The following TNPO1 variants were observed in gnomAD, a reference collection of about 807,000 sequenced individuals.
TNPO1 encodes transportin-1.
Under a neutral mutation model 119.5 loss-of-function variants are expected in TNPO1, and 8 were observed. That is an observed-to-expected ratio of 0.07 (90% CI 0.04 to 0.12). TNPO1 has a LOEUF of 0.12. Ranked by LOEUF, TNPO1 falls within the 10% of genes least tolerant of loss-of-function variation. The pLI is 1.00. For synonymous variants in TNPO1, 362 were observed against 363.0 expected (o/e 1.00, Z 0.03); for missense variants, 576 against 1,089.8 (o/e 0.53, Z 6.64).
At chr5:72,862,766 C>T (rs1746556600) in intron 5 of TNPO1, among the ~76,000 whole-genome samples, 1 of 152,166 alleles carries the variant, frequency 6.6e-6, no homozygotes, top group African/African-American at 2.4e-5. Flanking sequence ...CCACCTCAGC[C>T]TCCCGAGTAG....
rs780279720 is a variant in TNPO1 at position 72,908,980 on chromosome 5, A to G, written c.*307A>G. ...AAAAATCTATTCAGTCTACTCACAA[A>G]ACAGTACATTGTGGAATATTATGGG... On this transcript the variant is annotated 3_prime_UTR_variant, in exon 25 of 25. Coordinates refer to ENST00000337273, the MANE Select transcript of TNPO1 (RefSeq NM_002270.4). The G allele has an allele frequency of 6.9e-6, 3 of 437,808 alleles. No individual in the cohort carries two copies. The highest frequency in any genetic ancestry group is 7.1e-5 in the East Asian group (1 of 14,048). The allele number at this position is 437,808 out of a possible 1,614,324, so 27.1% of individuals were successfully genotyped here.
At chr5:72,866,337 T>C (rs1027069673) in intron 6 of TNPO1, among the ~76,000 whole-genome samples, 1 of 152,240 alleles carries the variant, frequency 6.6e-6, no homozygotes, top group Non-Finnish European at 1.5e-5. Flanking sequence ...AATGTTGTTA[T>C]TTCTGGCATA....
chr5:72,865,559 T>C (rs1231228778), intron 5 of TNPO1, 37 bp from the exon 6 acceptor site: 2 of 1,605,678 alleles, frequency 1.2e-6, no homozygotes, highest in South Asian at 2.2e-5. Context: ...GGCTTCATTT[T>C]TAACAAATTC....
chr5:72,896,349 A>G (rs1749426820), intron 18 of TNPO1, 109 bp from the exon 19 acceptor site: 1 of 586,212 alleles, frequency 1.7e-6, no homozygotes. Flanking sequence ...TTTAATGGTG[A>G]AACTTGTTAT....
At chr5:72,879,537 C>G (rs746819548) in intron 9 of TNPO1, among the ~76,000 whole-genome samples, 1 of 152,192 alleles carries the variant, frequency 6.6e-6, no homozygotes, top group East Asian at 1.9e-4. Context: ...GTCTTCCCTA[C>G]TACTGTGAGA....
At chr5:72,879,649 G>A (rs545116911) in intron 9 of TNPO1, among the ~76,000 whole-genome samples, 3 of 152,186 alleles carry the variant, frequency 2.0e-5, no homozygotes, top group African/African-American at 7.2e-5. Context: ...CATGGGCCAC[G>A]GTACCCAGTG....
intron 11 of TNPO1, 108 bp from the exon 12 acceptor site, chr5:72,886,962 A>AT: frequency 1.0e-6 from 1 of 1,001,612 alleles, no homozygotes; most frequent in African/African-American, 1.7e-5. Flanking sequence ...TTGAATTCTT[A>AT]TTTTAAAACT....
chr5:72,828,897 T>C (rs565513012), intron 1 of TNPO1, among the ~76,000 whole-genome samples: 5 of 152,332 alleles, frequency 3.3e-5, no homozygotes, highest in African/African-American at 4.8e-5. Flanking sequence ...TAATATGTCA[T>C]CCTGATAAAC....
intron 8 of TNPO1, among the ~76,000 whole-genome samples, chr5:72,875,947 G>A (rs1237320294): frequency 1.3e-5 from 2 of 152,124 alleles, no homozygotes; most frequent in Admixed American, 1.3e-4. Context: ...ATGTTATCTA[G>A]AGCCTCCTTT....
chr5:72,877,168 G>T, intron 8 of TNPO1, 60 bp from the exon 9 acceptor site: 1 of 869,316 alleles, frequency 1.2e-6, no homozygotes, highest in South Asian at 1.8e-5. Context: ...TAATAGGACT[G>T]AATTGATACT....
chr5:72,850,889 ATTTTT>A (rs1166241371), intron 2 of TNPO1, among the ~76,000 whole-genome samples: 1 of 152,098 alleles, frequency 6.6e-6, no homozygotes, highest in East Asian at 1.9e-4. Context: ...GAATGCTTTT[ATTTTT>A]GTCATTTTAT....
At position 72,904,814 on chromosome 5, in the gene TNPO1, A is replaced by G. The variant is rs188129329; in HGVS notation, c.2590-489A>G. Among the ~76,000 whole-genome samples, 578 of 152,280 alleles carry G rather than the reference A, an allele frequency of 3.8e-3. 4 individuals are homozygous for G. Among genetic ancestry groups the G allele is most frequent in the Admixed American group, 6.1e-3 (93 of 15,304 alleles). On this transcript the variant is annotated intron_variant, in intron 23 of 24. Transcript: ENST00000337273. ...CTCTGTCCCCGCCACACACACAAAA[A>G]GATATGCCCAAGACTGGGTAATTTA...
chr5:72,903,884 A>G, intron 23 of TNPO1, 101 bp downstream of exon 23: 1 of 765,040 alleles, frequency 1.3e-6, no homozygotes, highest in Non-Finnish European at 2.2e-6. Flanking sequence ...TAGGCTCTTC[A>G]AGTCAGTATT....
chr5:72,869,925 CAG>C (rs1410385170), intron 6 of TNPO1, among the ~76,000 whole-genome samples: 2 of 152,262 alleles, frequency 1.3e-5, no homozygotes, highest in African/African-American at 4.8e-5. Flanking sequence ...TTTATATACA[CAG>C]ATATCCATAG....
chr5:72,876,873 T>G (rs1747823956), intron 8 of TNPO1, among the ~76,000 whole-genome samples: 1 of 152,032 alleles, frequency 6.6e-6, no homozygotes, highest in African/African-American at 2.4e-5. Flanking sequence ...GGTGGGCAGA[T>G]CACGAGGTCA....
intron 1 of TNPO1, among the ~76,000 whole-genome samples, chr5:72,832,746 T>C (rs187619304): frequency 1.6e-3 from 240 of 152,136 alleles, no homozygotes; most frequent in Middle Eastern, 6.8e-3. Context: ...AGAAACAAAA[T>C]AGTGTAATTT....
At position 72,816,698 on chromosome 5, in the gene TNPO1, G is replaced by A. The variant is rs890098200; in HGVS notation, c.-40G>A. 5.1e-6 allele frequency: 8 copies of A among 1,554,504 alleles called. No homozygotes were observed. The highest frequency in any genetic ancestry group is 6.9e-6 in the Non-Finnish European group (8 of 1,152,368). ...TTTCAGGCCCCGGACAGGAGGCAGT[G>A]CCGCTTCGGCCGAAGGCCCGAGCGC... On this transcript the variant is annotated 5_prime_UTR_variant, in exon 1 of 25. Transcript: ENST00000337273.
intron 22 of TNPO1, among the ~76,000 whole-genome samples, chr5:72,903,452 A>G (rs866385314): frequency 3.3e-5 from 5 of 152,186 alleles, no homozygotes; most frequent in Non-Finnish European, 7.3e-5. Context: ...TTTATTGCAC[A>G]GGGGGTTATT....
chr5:72,823,665 T>G (rs1744084958), intron 1 of TNPO1, among the ~76,000 whole-genome samples: 1 of 152,228 alleles, frequency 6.6e-6, no homozygotes, highest in Non-Finnish European at 1.5e-5. Flanking sequence ...TCATGATTAA[T>G]CAGTTTAATT....
Sources: allele counts gnomAD v4.1 joint callset (sites outside exome capture counted in the v4.1 genomes callset), GRCh38; gene constraint gnomAD v4.1.1; transcripts MANE v1.5; gene names NCBI Gene and HGNC (gene_info 2026-07-23, HGNC 2026-07-21).